NCKAP5: variants seen among roughly 807,000 people sequenced by gnomAD.
NCKAP5 encodes the protein NCK associated protein 5.
NCKAP5 carries 92 observed loss-of-function variants against 167.0 expected under a neutral mutation model. That is an observed-to-expected ratio of 0.55 (90% CI 0.47 to 0.66). The LOEUF (loss-of-function observed/expected upper bound fraction) is 0.66, where lower values mean the gene tolerates loss of function less well. Among genes scored for constraint, NCKAP5 ranks in the 30% least tolerant of loss-of-function variants. NCKAP5 has a pLI of 0.00. For synonymous variants in NCKAP5, 891 were observed against 877.4 expected (o/e 1.02, Z -0.27); for missense variants, 2,378 against 2,315.0 (o/e 1.03, Z -0.56).
At chr2:132,995,609 C>T (rs766487952) in intron 6 of NCKAP5, among the ~76,000 whole-genome samples, 4 of 151,668 alleles carry the variant, frequency 2.6e-5, no homozygotes, top group Non-Finnish European at 4.4e-5. Flanking sequence ...CAGGATCACA[C>T]CACCGCACTC....
At chr2:132,700,138 G>T (rs1468316582) in intron 19 of NCKAP5, among the ~76,000 whole-genome samples, 1 of 152,204 alleles carries the variant, frequency 6.6e-6, no homozygotes, top group East Asian at 1.9e-4. Flanking sequence ...CTTTTGAGAA[G>T]TGTCTGTTCA....
chr2:133,465,247 G>A, intron 3 of NCKAP5, among the ~76,000 whole-genome samples: 1 of 147,970 alleles, frequency 6.8e-6, no homozygotes, highest in Non-Finnish European at 1.5e-5. Flanking sequence ...CTATGAGTGA[G>A]AATATGCGGT....
intron 6 of NCKAP5, among the ~76,000 whole-genome samples, chr2:133,003,938 G>T (rs868763116): frequency 1.3e-5 from 2 of 152,218 alleles, no homozygotes; most frequent in South Asian, 2.1e-4. Flanking sequence ...ACGGAGAGAG[G>T]CCGATTGGGA....
intron 3 of NCKAP5, among the ~76,000 whole-genome samples, chr2:133,439,504 T>C (rs1209115136): frequency 2.0e-5 from 3 of 152,226 alleles, no homozygotes; most frequent in Non-Finnish European, 4.4e-5. Flanking sequence ...TACATGATCC[T>C]TGAGCAGGCT....
At chr2:133,305,890 G>T (rs1680741636) in intron 3 of NCKAP5, among the ~76,000 whole-genome samples, 1 of 152,050 alleles carries the variant, frequency 6.6e-6, no homozygotes, top group Non-Finnish European at 1.5e-5. Context: ...TTAAGGTATT[G>T]CCTCAATATA....
At chr2:133,400,419 T>C (rs1056916205) in intron 3 of NCKAP5, among the ~76,000 whole-genome samples, 1 of 152,164 alleles carries the variant, frequency 6.6e-6, no homozygotes, top group Non-Finnish European at 1.5e-5. Context: ...GGATTACTGG[T>C]GGGCCCCAAA....
At chr2:133,286,217 C>T (rs1396047351) in intron 4 of NCKAP5, among the ~76,000 whole-genome samples, 1 of 152,008 alleles carries the variant, frequency 6.6e-6, no homozygotes, top group East Asian at 1.9e-4. Context: ...AGGATGGTCT[C>T]GATCTCCTAA....
At chr2:133,143,196 C>T (rs949322508) in intron 5 of NCKAP5, among the ~76,000 whole-genome samples, 1 of 152,116 alleles carries the variant, frequency 6.6e-6, no homozygotes, top group Admixed American at 6.6e-5. Flanking sequence ...TCAGATTCAA[C>T]ATGCACAAAG....
At chr2:133,671,812 C>T in the NCKAP5 span, among the ~76,000 whole-genome samples, 114 of 152,278 alleles carry the variant, frequency 7.5e-4, no homozygotes, top group African/African-American at 2.6e-3. Context: ...GTGATAGTGA[C>T]AGAGACATAA....
chr2:133,512,995 A>G (rs1249030093), intron 3 of NCKAP5, among the ~76,000 whole-genome samples: 1 of 152,194 alleles, frequency 6.6e-6, no homozygotes, highest in African/African-American at 2.4e-5. Flanking sequence ...TTATTAGGAC[A>G]GCTTCCCTAG....
chr2:132,834,677 C>T (rs1234987863), intron 11 of NCKAP5, among the ~76,000 whole-genome samples: 2 of 152,042 alleles, frequency 1.3e-5, no homozygotes, highest in African/African-American at 4.8e-5. Context: ...TTTGTAGAGA[C>T]AAGGTCTTGC....
intron 8 of NCKAP5, among the ~76,000 whole-genome samples, chr2:132,956,536 G>A (rs558428824): frequency 2.6e-4 from 40 of 152,220 alleles, no homozygotes; most frequent in South Asian, 2.5e-3. Flanking sequence ...TCTCTCTCCC[G>A]CATCATCGAT....
the NCKAP5 span, among the ~76,000 whole-genome samples, chr2:133,668,053 C>A: frequency 6.6e-6 from 1 of 151,942 alleles, no homozygotes; most frequent in Non-Finnish European, 1.5e-5. Flanking sequence ...TTACATTTGG[C>A]TTTTTAAACT....
At chr2:132,873,395 G>GA (rs1246892199) in intron 9 of NCKAP5, among the ~76,000 whole-genome samples, 1 of 152,204 alleles carries the variant, frequency 6.6e-6, no homozygotes, top group Non-Finnish European at 1.5e-5. Flanking sequence ...TTACAGGCGT[G>GA]AGCCACTGCG....
At chr2:132,754,655 T>G (rs936153469) in intron 16 of NCKAP5, among the ~76,000 whole-genome samples, 2 of 152,336 alleles carry the variant, frequency 1.3e-5, no homozygotes, top group East Asian at 1.9e-4. Flanking sequence ...TTAAAGAAAT[T>G]ATTTGTCTTT....
chr2:132,804,879 C>T (rs986972530), intron 11 of NCKAP5, among the ~76,000 whole-genome samples: 20 of 151,938 alleles, frequency 1.3e-4, no homozygotes, highest in African/African-American at 4.8e-4. Flanking sequence ...GACCTGCTTC[C>T]TTCTAAGTCC....
At chr2:132,843,977 T>C (rs1373787407) in intron 11 of NCKAP5, among the ~76,000 whole-genome samples, 2 of 152,062 alleles carry the variant, frequency 1.3e-5, no homozygotes, top group African/African-American at 4.8e-5. Flanking sequence ...TAAGAATACT[T>C]TCATCTTCTT....
chr2:132,809,626 T>G (rs1239739360), intron 11 of NCKAP5, among the ~76,000 whole-genome samples: 1 of 152,146 alleles, frequency 6.6e-6, no homozygotes, highest in African/African-American at 2.4e-5. Context: ...AAATGCCCTT[T>G]TCCATCCCTT....
chr2:133,359,294 C>T (rs1319105583), intron 3 of NCKAP5, among the ~76,000 whole-genome samples: 1 of 152,154 alleles, frequency 6.6e-6, no homozygotes, highest in East Asian at 1.9e-4. Context: ...TTACAACTGC[C>T]CCACTTCAAT....
Sources: gnomAD v4.1 joint callset for allele counts (sites outside exome capture counted in the v4.1 genomes callset) on GRCh38, gnomAD v4.1.1 for gene constraint, MANE v1.5 for transcripts, NCBI Gene and HGNC (gene_info 2026-07-23, HGNC 2026-07-21) for gene names.